COQ8A: variants seen among roughly 807,000 people sequenced by gnomAD.
The protein encoded by COQ8A is atypical kinase COQ8A, mitochondrial.
A neutral mutation model predicts 65.0 loss-of-function variants in COQ8A; 51 were observed. The observed-to-expected ratio is 0.78, with a 90% CI of 0.63 to 0.99. The LOEUF (loss-of-function observed/expected upper bound fraction) is 0.99. COQ8A is among the 50% of genes least tolerant of loss of function. COQ8A has a pLI of 0.00. For synonymous variants in COQ8A, 371 were observed against 353.2 expected, an observed-to-expected ratio of 1.05 and a Z score of -0.57; for missense variants, 940 against 875.0, an observed-to-expected ratio of 1.07 and a Z score of -0.94.
chr1:226,968,015 T>G lies in COQ8A; in HGVS notation c.655+2278T>G, dbSNP rs77437003. On this transcript the variant is annotated intron_variant, in intron 4 of 14. Transcript: ENST00000366777. ...CTTTCAAACTGTAGGTTATGACCCT[T>G]TAGTAACTGTGAAATTAATTTAATG... 6.5e-3 allele frequency among the ~76,000 whole-genome samples: 989 copies of G among 152,258 alleles called. 9 individuals carry two copies. The highest frequency in any genetic ancestry group is 0.017 in the African/African-American group (697 of 41,506).
chr1:226,978,294 C>T (rs376014691), intron 5 of COQ8A, among the ~76,000 whole-genome samples: 3 of 140,676 alleles, frequency 2.1e-5, no homozygotes, highest in East Asian at 4.5e-4. Context: ...CCTCCTTACA[C>T]ACCCTCCACC....
intron 5 of COQ8A, among the ~76,000 whole-genome samples, chr1:226,981,087 A>C (rs1265716057): frequency 6.6e-6 from 1 of 152,238 alleles, no homozygotes; most frequent in African/African-American, 2.4e-5. Flanking sequence ...ACAGGACAGA[A>C]GGCAGGAGAA....
At chr1:226,982,612 C>T in intron 6 of COQ8A, 66 bp from the exon 7 acceptor site, 1 of 1,536,580 alleles carries the variant, frequency 6.5e-7, no homozygotes, top group Non-Finnish European at 9.0e-7. Flanking sequence ...AGGAGTGTGC[C>T]CGCCCAGGTC....
intron 1 of COQ8A, among the ~76,000 whole-genome samples, chr1:226,959,872 T>A (rs993686089): frequency 6.6e-6 from 1 of 152,252 alleles, no homozygotes; most frequent in Admixed American, 6.5e-5. Flanking sequence ...GTGTGTACTT[T>A]TTTAGATGGC....
intron 1 of COQ8A, among the ~76,000 whole-genome samples, chr1:226,955,858 T>C (rs71648408): frequency 3.7e-4 from 24 of 65,328 alleles, no homozygotes; most frequent in South Asian, 2.5e-3. Flanking sequence ...TCCCTGGCTC[T>C]CACTCTCCCT....
chr1:226,958,609 C>T (rs1173989931), intron 1 of COQ8A, among the ~76,000 whole-genome samples: 1 of 152,230 alleles, frequency 6.6e-6, no homozygotes, highest in Non-Finnish European at 1.5e-5. Flanking sequence ...GGTCAGTGAA[C>T]TTGTGTTGAA....
chr1:226,986,424 C>G (rs74670315), intron 14 of COQ8A, 29 bp from the exon 15 acceptor site: 14 of 1,608,658 alleles, frequency 8.7e-6, no homozygotes, highest in Non-Finnish European at 1.1e-5. Context: ...GGTGTCTCGC[C>G]GCCATTTATC....
intron 14 of COQ8A, among the ~76,000 whole-genome samples, chr1:226,986,224 A>T (rs1007259335): frequency 6.7e-6 from 1 of 149,600 alleles, no homozygotes; most frequent in Non-Finnish European, 1.5e-5. Flanking sequence ...CATCCTCTGC[A>T]CTCTGCCACA....
At position 226,965,330 on chromosome 1, in the gene COQ8A, G is replaced by A. The variant is rs772022130; in HGVS notation, c.508G>A (p.Val170Ile). The change falls in exon 3 of 15, where the codon GTT (valine) becomes ATT (isoleucine). Residue 170 changes from valine (V) to isoleucine (I), a missense_variant. Physicochemically the swap from Val to Ile is conservative, Grantham distance 29. Coordinates refer to ENST00000366777, the MANE Select transcript of COQ8A (RefSeq NM_020247.5). Reference protein sequence around the residue: ...RRFFHQDQSPVGGLTAEDIEK... With the variant: ...RRFFHQDQSPIGGLTAEDIEK... ...GTTCTTCCACCAGGACCAATCCCCT[G>A]TTGGGGGCCTCACAGCCGAGGACAT... 2.9e-5 allele frequency: 46 copies of A among 1,613,472 alleles called. No individual in the cohort carries two copies. Among genetic ancestry groups the A allele is most frequent in the Non-Finnish European group, 3.6e-5 (43 of 1,179,946 alleles).
intron 2 of COQ8A, among the ~76,000 whole-genome samples, 168 bp downstream of exon 2, chr1:226,961,730 G>T (rs1175577246): frequency 6.6e-6 from 1 of 152,190 alleles, no homozygotes; most frequent in Non-Finnish European, 1.5e-5. Context: ...CAGGGCCCCT[G>T]TGTGAGGCTG....
At chr1:226,945,216 C>A (rs889256281) in intron 1 of COQ8A, among the ~76,000 whole-genome samples, 1 of 152,156 alleles carries the variant, frequency 6.6e-6, no homozygotes, top group Non-Finnish European at 1.5e-5. Flanking sequence ...AAAACGCAGG[C>A]CCCAAGAGGA....
chr1:226,963,272 G>GCTGC (rs35233348), intron 2 of COQ8A, among the ~76,000 whole-genome samples: 10,619 of 152,280 alleles, frequency 0.07, 542 homozygotes, highest in Non-Finnish European at 0.1. Context: ...CCCGCAGTGC[G>GCTGC]CTGCCATTCA....
rs188453237 is a variant in COQ8A, at chr1:226,978,727, T to A, written c.730+1204T>A. ...TCCTTACATCTTCCACACACCCACC[T>A]CATACCTGCACACCTCCTTACACAC... On this transcript the variant is annotated intron_variant, in intron 5 of 14. Transcript: ENST00000366777. Among the ~76,000 whole-genome samples, 63 of 57,688 alleles carry A rather than the reference T, an allele frequency of 1.1e-3. 1 individual carries two copies. The highest frequency in any genetic ancestry group is 2.8e-3 in the African/African-American group (57 of 20,058). 37.8% of individuals were successfully genotyped at this position (57,688 alleles called of 152,430 possible).
At position 226,941,774 on chromosome 1, in the gene COQ8A, C is replaced by CAA. The variant is rs374191145; in HGVS notation, c.-10+1390_-10+1391dup. ...TGGGCAACAGAGCGAGACTCAATCT[C>CAA]AAAAAAAAAAAAAAAAGGCTCAGGC... is the stretch of plus-strand genomic sequence containing the variant. On this transcript the variant is annotated intron_variant, in intron 1 of 14. Transcript: ENST00000366777. 4.9e-5 allele frequency among the ~76,000 whole-genome samples: 4 copies of CAA among 81,510 alleles called. No homozygotes were observed. In the East Asian group the frequency reaches 1.0e-3, roughly 21 times the overall value. 53.5% of individuals were successfully genotyped at this position (81,510 alleles called of 152,430 possible). A position where few individuals can be genotyped will look rare whatever the true frequency, so the allele number is the denominator to read the frequency against.
intron 12 of COQ8A, 82 bp from the exon 13 acceptor site, chr1:226,984,794 T>C (rs1306667669): frequency 2.1e-5 from 32 of 1,523,936 alleles, no homozygotes; most frequent in Non-Finnish European, 2.6e-5. Context: ...CTCACTGCCC[T>C]CTGTTGCACC....
At chr1:226,969,437 T>C (rs746083636) in intron 4 of COQ8A, among the ~76,000 whole-genome samples, 1 of 152,198 alleles carries the variant, frequency 6.6e-6, no homozygotes, top group Non-Finnish European at 1.5e-5. Flanking sequence ...TAGCTGAGAC[T>C]ACACGTGCGT....
At chr1:226,978,034 T>G (rs1029705498) in intron 5 of COQ8A, among the ~76,000 whole-genome samples, 4 of 123,124 alleles carry the variant, frequency 3.2e-5, no homozygotes. Context: ...CCCACAGACC[T>G]TACACACCCC....
In COQ8A at chr1:226,965,397, A is replaced by G; in HGVS notation, c.575A>G (p.Gln192Arg). The change falls in exon 3 of 15, where the codon CAG (glutamine) becomes CGG (arginine). Residue 192 changes from glutamine (Q) to arginine (R), a missense_variant. Coordinates refer to ENST00000366777, the MANE Select transcript of COQ8A (RefSeq NM_020247.5). The part of the protein sequence containing the change: ...RQAKARPENK[Q>R]HKQTLSEHAR... ...GCTAAGGCTCGCCCCGAGAACAAGC[A>G]GCACAAACAGACGGTGCGTATGGGA... The G allele has an allele frequency of 6.2e-7, 1 of 1,609,964 alleles. No individual in the cohort carries two copies. Among genetic ancestry groups the G allele is most frequent in the Non-Finnish European group, 8.5e-7 (1 of 1,179,092 alleles).
intron 5 of COQ8A, among the ~76,000 whole-genome samples, chr1:226,978,040 A>AC (rs1659359586): frequency 7.7e-6 from 1 of 130,638 alleles, no homozygotes; most frequent in African/African-American, 3.1e-5. Flanking sequence ...GACCTTACAC[A>AC]CCCCTTGCAC....
Sources: gnomAD v4.1 joint callset for allele counts (sites outside exome capture counted in the v4.1 genomes callset) on GRCh38, gnomAD v4.1.1 for gene constraint, MANE v1.5 for transcripts, NCBI Gene and HGNC (gene_info 2026-07-23, HGNC 2026-07-21) for gene names.